LARGE1: variants seen among roughly 807,000 people sequenced by gnomAD.
LARGE1 encodes the protein xylosyl- and glucuronyltransferase LARGE1.
In LARGE1, 43 loss-of-function variants were observed where a neutral mutation model predicts 87.6. The ratio of observed to expected loss-of-function variants is 0.49; its 90% CI spans 0.38 to 0.63. The LOEUF (loss-of-function observed/expected upper bound fraction) is 0.63. Among genes scored for constraint, LARGE1 ranks in the 30% least tolerant of loss-of-function variants. The pLI, the probability that LARGE1 is intolerant of heterozygous loss-of-function variation, is 0.00. For missense variants in LARGE1, 802 were observed against 1,000.2 expected (o/e 0.80, Z 2.67); for synonymous variants, 434 against 394.6 (o/e 1.10, Z -1.18).
intron 11 of LARGE1, among the ~76,000 whole-genome samples, chr22:33,262,272 A>G (rs1337567096): frequency 6.6e-6 from 1 of 152,188 alleles, no homozygotes; most frequent in Non-Finnish European, 1.5e-5. Flanking sequence ...ACCACTTCCT[A>G]AAAGAACTCC....
intron 1 of LARGE1, among the ~76,000 whole-genome samples, chr22:33,858,347 A>G (rs1186950338): frequency 6.6e-6 from 1 of 152,188 alleles, no homozygotes; most frequent in Non-Finnish European, 1.5e-5. Flanking sequence ...ACAAACCCGG[A>G]CCAGAAGAGA....
the LARGE1 span, among the ~76,000 whole-genome samples, chr22:33,107,539 A>T: frequency 1.3e-5 from 2 of 151,022 alleles, no homozygotes; most frequent in Non-Finnish European, 2.9e-5. Flanking sequence ...TGGGTTACAG[A>T]GCGAGACTTT....
At chr22:33,128,743 C>T in the LARGE1 span, among the ~76,000 whole-genome samples, 3 of 149,612 alleles carry the variant, frequency 2.0e-5, no homozygotes, top group South Asian at 6.4e-4. Context: ...GGTACATATA[C>T]ACCATGGAAT....
the LARGE1 span, among the ~76,000 whole-genome samples, chr22:33,079,945 G>C: frequency 6.6e-6 from 1 of 152,176 alleles, no homozygotes; most frequent in South Asian, 2.1e-4. Context: ...CTATCAGGGG[G>C]ACTGTCCTCT....
At chr22:33,748,860 C>T (rs1305275140) in intron 2 of LARGE1, among the ~76,000 whole-genome samples, 1 of 152,194 alleles carries the variant, frequency 6.6e-6, no homozygotes, top group Non-Finnish European at 1.5e-5. Context: ...CTCCCTGCCC[C>T]TTTCTAATGC....
intron 10 of LARGE1, among the ~76,000 whole-genome samples, chr22:33,318,885 C>T (rs79226331): frequency 0.038 from 5,701 of 151,892 alleles, 364 homozygotes; most frequent in African/African-American, 0.13. Context: ...TAGCTGAATA[C>T]CATAGAATGT....
chr22:33,524,228 T>C (rs933347134), intron 6 of LARGE1, among the ~76,000 whole-genome samples: 4 of 150,910 alleles, frequency 2.7e-5, no homozygotes, highest in Non-Finnish European at 5.9e-5. Flanking sequence ...GAGGCAGAGG[T>C]TGCAGTGAGC....
intron 9 of LARGE1, among the ~76,000 whole-genome samples, chr22:33,347,013 T>C (rs1222137647): frequency 1.3e-5 from 2 of 152,270 alleles, no homozygotes; most frequent in Non-Finnish European, 2.9e-5. Context: ...GACAGCCATC[T>C]TGTGACCATG....
chr22:33,197,207 T>TA (rs60927079), intron 11 of LARGE1, among the ~76,000 whole-genome samples: 152,160 of 152,160 alleles, frequency 1, 76,080 homozygotes, highest in Non-Finnish European at 1. Flanking sequence ...AAATATTAAA[T>TA]ATTTCCCACA....
At chr22:33,421,869 C>G (rs2066708240) in intron 7 of LARGE1, among the ~76,000 whole-genome samples, 1 of 152,202 alleles carries the variant, frequency 6.6e-6, no homozygotes, top group African/African-American at 2.4e-5. Context: ...TAGGTTTATT[C>G]TCTGTGAATC....
chr22:33,496,790 T>C (rs1169193223), intron 6 of LARGE1, among the ~76,000 whole-genome samples: 1 of 152,236 alleles, frequency 6.6e-6, no homozygotes, highest in Non-Finnish European at 1.5e-5. Flanking sequence ...ATCCCACTTC[T>C]GCACTTAAAA....
At position 33,237,320 on chromosome 22, in the gene LARGE1, A is replaced by G. The variant is rs533680610; in HGVS notation, c.1730+66909T>C. Among the ~76,000 whole-genome samples the G allele has an allele frequency of 2.0e-5, 3 of 152,354 alleles. No homozygotes were observed. In the South Asian group the frequency reaches 6.2e-4, roughly 32 times the overall value. ...GCATGGTAAGAAACACAAGTTGAGA[A>G]AGGAAATGTAAAATTAGTCCAAGAT... is the stretch of plus-strand genomic sequence containing the variant. On this transcript the variant is annotated intron_variant, in intron 11 of 11. Transcript: ENST00000608642.
chr22:33,875,345 A>C (rs28445256), intron 1 of LARGE1, among the ~76,000 whole-genome samples: 1 of 152,170 alleles, frequency 6.6e-6, no homozygotes, highest in Non-Finnish European at 1.5e-5. Flanking sequence ...GGGTGTCTCC[A>C]TCCCAGAATT....
chr22:33,465,307 T>C (rs1031730097), intron 6 of LARGE1, among the ~76,000 whole-genome samples: 1 of 152,228 alleles, frequency 6.6e-6, no homozygotes, highest in Admixed American at 6.5e-5. Flanking sequence ...ATGGAAGTGA[T>C]AAATCCAAAA....
intron 6 of LARGE1, among the ~76,000 whole-genome samples, chr22:33,554,467 G>GA (rs2077617881): frequency 6.6e-6 from 1 of 151,996 alleles, no homozygotes; most frequent in Admixed American, 6.6e-5. Flanking sequence ...CCCTGGCCCC[G>GA]ACCCTTCTTG....
the LARGE1 span, among the ~76,000 whole-genome samples, chr22:33,156,226 T>C: frequency 2.0e-5 from 3 of 152,120 alleles, no homozygotes; most frequent in Non-Finnish European, 4.4e-5. Context: ...GGGCCCAGCA[T>C]CCTCCAGATC....
chr22:33,620,775 G>C (rs2149051570), intron 4 of LARGE1, among the ~76,000 whole-genome samples: 1 of 152,170 alleles, frequency 6.6e-6, no homozygotes, highest in South Asian at 2.1e-4. Flanking sequence ...AAATTAGCCG[G>C]GCGTGGTGGT....
intron 1 of LARGE1, among the ~76,000 whole-genome samples, chr22:33,811,928 A>C (rs955612187): frequency 6.6e-6 from 1 of 152,242 alleles, no homozygotes; most frequent in Non-Finnish European, 1.5e-5. Context: ...ACCAGAACAC[A>C]GGAAATGGGC....
intron 5 of LARGE1, among the ~76,000 whole-genome samples, chr22:33,574,810 T>C (rs975716039): frequency 6.6e-6 from 1 of 150,830 alleles, no homozygotes; most frequent in African/African-American, 2.4e-5. Flanking sequence ...TATGGAAAGG[T>C]AGGACAGGAT....
Sources: gnomAD v4.1 joint callset for allele counts (sites outside exome capture counted in the v4.1 genomes callset) on GRCh38, gnomAD v4.1.1 for gene constraint, MANE v1.5 for transcripts, NCBI Gene and HGNC (gene_info 2026-07-23, HGNC 2026-07-21) for gene names.